GHR: variants seen among roughly 807,000 people sequenced by gnomAD.
GHR encodes GH receptor.
Under a neutral mutation model 67.1 loss-of-function variants are expected in GHR, and 35 were observed. The ratio of observed to expected loss-of-function variants is 0.52; its 90% CI spans 0.40 to 0.69. The LOEUF (loss-of-function observed/expected upper bound fraction) is 0.69, where lower values mean the gene tolerates loss of function less well. Ranked by LOEUF, GHR falls within the 30% of genes least tolerant of loss-of-function variation. GHR has a pLI of 0.00. For missense variants in GHR, 792 were observed against 764.6 expected (o/e 1.04, Z -0.42); for synonymous variants, 272 against 269.1 (o/e 1.01, Z -0.10).
At chr5:42,565,713 T>G (rs1346269498) in intron 1 of GHR, 151 bp from the exon 2 acceptor site, 53 of 1,533,044 alleles carry the variant, frequency 3.5e-5, no homozygotes, top group Non-Finnish European at 4.0e-5. Context: ...TAGGACAATA[T>G]GAGACTCTGG....
At chr5:42,438,178 A>G (rs560384301) in intron 1 of GHR, among the ~76,000 whole-genome samples, 12 of 152,304 alleles carry the variant, frequency 7.9e-5, no homozygotes, top group Admixed American at 7.8e-4. Flanking sequence ...GTCCTTTTTT[A>G]TATTATTTAA....
chr5:42,654,580 G>A (rs562063068), intron 3 of GHR, among the ~76,000 whole-genome samples: 2 of 152,188 alleles, frequency 1.3e-5, no homozygotes, highest in African/African-American at 4.8e-5. Flanking sequence ...CTCTGATCTT[G>A]TCTTTTCTCC....
intron 1 of GHR, among the ~76,000 whole-genome samples, chr5:42,430,607 CGTGTGT>C (rs141602161): frequency 1.1e-4 from 16 of 147,406 alleles, no homozygotes; most frequent in South Asian, 4.4e-4. Flanking sequence ...ATGCTAGTCC[CGTGTGT>C]GTGTGTGTGT....
rs896402576 is a variant in GHR, at chr5:42,653,764, G to T, written c.136+24661G>T. Reference sequence around the variant, plus strand: ...GGGATATTAAGCCTTCTCTGTCCATGGAAGATGTGAAATTCAACAGCTGAC... The same window carrying T: ...GGGATATTAAGCCTTCTCTGTCCATTGAAGATGTGAAATTCAACAGCTGAC... On this transcript the variant is annotated intron_variant, in intron 3 of 9. Coordinates refer to ENST00000230882, the MANE Select transcript of GHR (RefSeq NM_000163.5). 1.1e-3 allele frequency among the ~76,000 whole-genome samples: 174 copies of T among 152,160 alleles called. 1 individual carries two copies. Among genetic ancestry groups the T allele is most frequent in the African/African-American group, 4.1e-3 (171 of 41,542 alleles).
intron 6 of GHR, among the ~76,000 whole-genome samples, chr5:42,709,749 T>C (rs935083860): frequency 6.6e-6 from 1 of 152,156 alleles, no homozygotes; most frequent in Non-Finnish European, 1.5e-5. Flanking sequence ...TGGGGAAAAG[T>C]ACCAGCAAAG....
intron 1 of GHR, among the ~76,000 whole-genome samples, chr5:42,488,987 A>G (rs1745999814): frequency 1.3e-5 from 2 of 152,222 alleles, no homozygotes; most frequent in African/African-American, 2.4e-5. Context: ...GTCTGTCAAC[A>G]CAGTTAACTA....
chr5:42,466,096 A>G (rs868497563), intron 1 of GHR: 11 of 333,078 alleles, frequency 3.3e-5, no homozygotes, highest in South Asian at 3.4e-5. Flanking sequence ...ATCTTACCCA[A>G]ATGGAATGCA....
intron 1 of GHR, among the ~76,000 whole-genome samples, chr5:42,470,982 A>C (rs1303315930): frequency 6.6e-6 from 1 of 152,092 alleles, no homozygotes; most frequent in Non-Finnish European, 1.5e-5. Flanking sequence ...TATACTGGAC[A>C]TTTTGGATTA....
At chr5:42,692,272 A>G (rs189904314) in intron 4 of GHR, among the ~76,000 whole-genome samples, 15 of 152,042 alleles carry the variant, frequency 9.9e-5, no homozygotes, top group Non-Finnish European at 1.5e-5. Flanking sequence ...CTTTAGATGA[A>G]AAACATTTCT....
At chr5:42,703,075 T>A (rs1381857032) in intron 6 of GHR, among the ~76,000 whole-genome samples, 1 of 152,116 alleles carries the variant, frequency 6.6e-6, no homozygotes, top group Non-Finnish European at 1.5e-5. Flanking sequence ...ATCCCGTTTA[T>A]CTATTTCCAC....
At chr5:42,464,786 G>A (rs912419786) in intron 1 of GHR, among the ~76,000 whole-genome samples, 4 of 152,120 alleles carry the variant, frequency 2.6e-5, no homozygotes, top group Admixed American at 1.3e-4. Context: ...CACACAGGAT[G>A]CACTTACTAA....
At chr5:42,481,353 C>A (rs191130866) in intron 1 of GHR, among the ~76,000 whole-genome samples, 14 of 152,178 alleles carry the variant, frequency 9.2e-5, no homozygotes, top group Middle Eastern at 3.4e-3. Context: ...GGTGAATCTG[C>A]CAATTATGTG....
intron 1 of GHR, among the ~76,000 whole-genome samples, chr5:42,454,805 A>G (rs150950686): frequency 0.011 from 1,653 of 152,152 alleles, 33 homozygotes; most frequent in African/African-American, 0.037. Flanking sequence ...GAAAGCAAGC[A>G]AGGCTTTCAG....
At chr5:42,676,012 T>C (rs1756554943) in intron 3 of GHR, among the ~76,000 whole-genome samples, 1 of 152,142 alleles carries the variant, frequency 6.6e-6, no homozygotes, top group Admixed American at 6.5e-5. Flanking sequence ...ATTGGCTGGG[T>C]ATGGTGGCTC....
At chr5:42,537,912 C>G (rs935641961) in intron 1 of GHR, among the ~76,000 whole-genome samples, 1 of 152,074 alleles carries the variant, frequency 6.6e-6, no homozygotes, top group African/African-American at 2.4e-5. Context: ...TATATAGTGT[C>G]CCTGTTTGTC....
intron 2 of GHR, among the ~76,000 whole-genome samples, chr5:42,611,361 T>C (rs1386775682): frequency 6.6e-6 from 1 of 152,194 alleles, no homozygotes; most frequent in Non-Finnish European, 1.5e-5. Context: ...CCAACCTTAA[T>C]TACCATTGCA....
intron 2 of GHR, among the ~76,000 whole-genome samples, chr5:42,617,301 A>G (rs2112697311): frequency 6.6e-6 from 1 of 151,876 alleles, no homozygotes; most frequent in South Asian, 2.1e-4. Flanking sequence ...GCTAATAGCA[A>G]ACCAAACTCA....
intron 3 of GHR, among the ~76,000 whole-genome samples, chr5:42,642,176 C>A (rs1754510414): frequency 6.6e-6 from 1 of 152,098 alleles, no homozygotes; most frequent in Non-Finnish European, 1.5e-5. Flanking sequence ...TCATAGAAGA[C>A]CAAGATTTCC....
At chr5:42,639,888 A>C (rs1238436119) in intron 3 of GHR, among the ~76,000 whole-genome samples, 1 of 152,144 alleles carries the variant, frequency 6.6e-6, no homozygotes, top group East Asian at 1.9e-4. Context: ...AAGCTTAAAT[A>C]ATGTTTATTA....
Sources: gnomAD v4.1 joint callset for allele counts (sites outside exome capture counted in the v4.1 genomes callset) on GRCh38, gnomAD v4.1.1 for gene constraint, MANE v1.5 for transcripts, NCBI Gene and HGNC (gene_info 2026-07-23, HGNC 2026-07-21) for gene names.